The following RGS12 variants were observed in gnomAD, a reference collection of about 807,000 sequenced individuals.
RGS12 encodes regulator of G-protein signaling 12.
Under a neutral mutation model 120.1 loss-of-function variants are expected in RGS12, and 66 were observed. That is an observed-to-expected ratio of 0.55 (90% confidence interval 0.45 to 0.67). The LOEUF is 0.67. RGS12 is among the 30% of genes least tolerant of loss of function. The probability of loss-of-function intolerance (pLI) is 0.00; values close to 1 mark genes in which losing one functional copy is unlikely to be tolerated. For synonymous variants in RGS12, 827 were observed against 804.7 expected, an observed-to-expected ratio of 1.03 and a Z score of -0.47; for missense variants, 1,859 against 1,957.7, an observed-to-expected ratio of 0.95 and a Z score of 0.95.
chr4:3,366,111 C>T lies in RGS12; in HGVS notation c.1999-20305C>T, dbSNP rs1716274695. On this transcript the variant is annotated intron_variant, in intron 3 of 17. Coordinates refer to ENST00000336727, the MANE Select transcript of RGS12 (RefSeq NM_001394154.1). The surrounding 1 kb of genome is among the most constrained non-coding windows in gnomAD (Gnocchi z 4.0). ...CTCATCTGGGGGGTGCTGGCCTGGG[C>T]AGCACCATGACCCACCCGAGAAGGG... 6.6e-6 allele frequency among the ~76,000 whole-genome samples: 1 copy of T among 152,022 alleles called. No homozygotes were observed. Among genetic ancestry groups the T allele is most frequent in the Admixed American group, 6.6e-5 (1 of 15,264 alleles).
intron 4 of RGS12, among the ~76,000 whole-genome samples, chr4:3,402,682 G>A (rs1264081428): frequency 6.6e-6 from 1 of 152,168 alleles, no homozygotes; most frequent in African/African-American, 2.4e-5. Flanking sequence ...GGTGTCCTCT[G>A]GTGGGGCCAA....
chr4:3,410,928 G>A (rs919527427), intron 4 of RGS12, among the ~76,000 whole-genome samples: 1 of 152,214 alleles, frequency 6.6e-6, no homozygotes, highest in Non-Finnish European at 1.5e-5. Context: ...TGTGTGGCCG[G>A]TGCCCCACAG....
At chr4:3,396,943 C>T (rs1051470569) in intron 4 of RGS12, among the ~76,000 whole-genome samples, 1 of 151,556 alleles carries the variant, frequency 6.6e-6, no homozygotes, top group African/African-American at 2.4e-5. Context: ...TGTAATTATA[C>T]ATATGTGATC....
intron 3 of RGS12, among the ~76,000 whole-genome samples, chr4:3,373,671 C>T (rs955937041): frequency 1.3e-5 from 2 of 152,212 alleles, no homozygotes; most frequent in African/African-American, 4.8e-5. Flanking sequence ...GGCCGTGTGC[C>T]TGGCCTCTGC....
At chr4:3,309,290 C>T (rs376923774) in intron 1 of RGS12, among the ~76,000 whole-genome samples, 12 of 122,598 alleles carry the variant, frequency 9.8e-5, no homozygotes, top group South Asian at 9.0e-4. Context: ...AGCTGGGACT[C>T]GGGAATGGCA....
In RGS12 at chr4:3,317,978, C is replaced by T. The variant is rs1311102117; in HGVS notation, c.1808C>T (p.Ser603Phe). The part of the protein sequence containing the change: ...PPLNAPKREW[S>F]RKAFGMQSIF... ...CTGAATGCCCCGAAGAGGGAGTGGT[C>T]CAGGAAGGCCTTTGGAATGCAAAGC... The change falls in exon 2 of 18, where the codon TCC (serine) becomes TTC (phenylalanine). Residue 603 changes from serine (S) to phenylalanine (F), a missense_variant. By Grantham distance (155) the Ser-to-Phe change is radical. Around this residue, in one of 3 missense-constraint regions of RGS12, gnomAD observed 967 missense variants for 994.2 expected, o/e 0.97. Transcript: ENST00000336727. The T allele has an allele frequency of 6.2e-7, 1 of 1,614,056 alleles. No homozygotes were observed. Among genetic ancestry groups the T allele is most frequent in the Non-Finnish European group, 8.5e-7 (1 of 1,179,948 alleles).
intron 2 of RGS12, among the ~76,000 whole-genome samples, chr4:3,321,344 C>A (rs1309888547): frequency 6.6e-6 from 1 of 151,896 alleles, no homozygotes; most frequent in Admixed American, 6.6e-5. Flanking sequence ...GGTGGCTGTC[C>A]CCAGTCCCCA....
chr4:3,318,518 T>C (rs1332696735), intron 2 of RGS12, among the ~76,000 whole-genome samples: 3 of 152,204 alleles, frequency 2.0e-5, no homozygotes, highest in African/African-American at 7.2e-5. Flanking sequence ...TGCTGTTTCC[T>C]CCATGGGGAA....
intron 2 of RGS12, among the ~76,000 whole-genome samples, chr4:3,327,973 A>C (rs1160881812): frequency 6.6e-6 from 1 of 152,240 alleles, no homozygotes; most frequent in Non-Finnish European, 1.5e-5. Flanking sequence ...ACAGTAGCAA[A>C]GGTATGGAAT....
chr4:3,378,073 G>A (rs953395533), intron 3 of RGS12: 1 of 152,178 alleles, frequency 6.6e-6, no homozygotes, highest in East Asian at 1.9e-4. Context: ...AATCCAAGAA[G>A]TATAGGCCAA....
intron 3 of RGS12, among the ~76,000 whole-genome samples, chr4:3,381,897 T>C (rs1718301302): frequency 6.6e-6 from 1 of 152,254 alleles, no homozygotes; most frequent in South Asian, 2.1e-4. Context: ...TTACTGCTTT[T>C]GTTTAATGAA....
intron 1 of RGS12, among the ~76,000 whole-genome samples, chr4:3,296,825 A>G (rs1723408104): frequency 6.6e-6 from 1 of 152,232 alleles, no homozygotes; most frequent in Non-Finnish European, 1.5e-5. Flanking sequence ...GGGAAGGAAG[A>G]CAAGCCTTGC....
At chr4:3,412,833 C>T (rs954952784) in intron 4 of RGS12, among the ~76,000 whole-genome samples, 2 of 152,280 alleles carry the variant, frequency 1.3e-5, no homozygotes, top group African/African-American at 4.8e-5. Context: ...TGTGGGACAC[C>T]CTATGCTCAC....
At chr4:3,350,460 T>C (rs191458096) in intron 3 of RGS12, among the ~76,000 whole-genome samples, 73 of 152,256 alleles carry the variant, frequency 4.8e-4, no homozygotes, top group African/African-American at 1.7e-3. Flanking sequence ...GGCAAGAGGA[T>C]TGCTTGAGCC....
intron 2 of RGS12, among the ~76,000 whole-genome samples, 171 bp downstream of exon 2, chr4:3,318,222 C>G (rs1218591293): frequency 6.6e-6 from 1 of 151,988 alleles, no homozygotes; most frequent in Admixed American, 6.6e-5. Flanking sequence ...CGGACTGTGT[C>G]TTGCTGGGAC....
At chr4:3,298,047 T>C (rs1382460154) in intron 1 of RGS12, among the ~76,000 whole-genome samples, 2 of 152,228 alleles carry the variant, frequency 1.3e-5, no homozygotes, top group Non-Finnish European at 2.9e-5. Context: ...GTTTCTGTGC[T>C]GTTGAGGTCT....
At chr4:3,371,793 A>C (rs1308749934) in intron 3 of RGS12, among the ~76,000 whole-genome samples, 2 of 152,154 alleles carry the variant, frequency 1.3e-5, no homozygotes, top group African/African-American at 2.4e-5. Context: ...GTTCTAAAAA[A>C]TGGGAGGGTC....
intron 1 of RGS12, among the ~76,000 whole-genome samples, chr4:3,305,383 T>C (rs1578682762): frequency 6.6e-6 from 1 of 152,150 alleles, no homozygotes; most frequent in South Asian, 2.1e-4. Flanking sequence ...CAGAGATTCA[T>C]GTCCCTCCCA....
intron 1 of RGS12, among the ~76,000 whole-genome samples, chr4:3,295,121 G>T (rs747604172): frequency 2.0e-5 from 3 of 152,176 alleles, no homozygotes; most frequent in Admixed American, 2.0e-4. Context: ...GTGGCGCTGG[G>T]AGCTGGGACT....
Sources: gnomAD v4.1 joint callset for allele counts (sites outside exome capture counted in the v4.1 genomes callset) on GRCh38, gnomAD v4.1.1 for gene constraint, gnomAD v4.1.1 regional missense constraint, Gnocchi (gnomAD v3.1) non-coding constraint, MANE v1.5 for transcripts, NCBI Gene and HGNC (gene_info 2026-07-23, HGNC 2026-07-21) for gene names.